DNMT3L: variants seen among roughly 807,000 people sequenced by gnomAD.
The protein encoded by DNMT3L is DNA (cytosine-5)-methyltransferase 3-like.
DNMT3L carries 33 observed loss-of-function variants against 36.2 expected under a neutral mutation model. The ratio of observed to expected loss-of-function variants is 0.91; its 90% CI spans 0.69 to 1.22. DNMT3L has a LOEUF of 1.22. DNMT3L is among the 50% of genes most tolerant of loss of function. The probability of loss-of-function intolerance (pLI) is 0.00; values close to 1 mark genes in which losing one functional copy is unlikely to be tolerated. For synonymous variants in DNMT3L, 117 were observed against 121.7 expected (o/e 0.96, Z 0.26); for missense variants, 310 against 303.1 (o/e 1.02, Z -0.17).
chr21:44,254,905 A>ACT (rs2040245533), intron 7 of DNMT3L, among the ~76,000 whole-genome samples, 200 bp from the exon 8 acceptor site: 1 of 152,172 alleles, frequency 6.6e-6, no homozygotes, highest in Admixed American at 6.5e-5. Context: ...GGCTCACTGC[A>ACT]ACCTCCGCCT....
chr21:44,255,644 G>A (rs565436752), intron 7 of DNMT3L, among the ~76,000 whole-genome samples: 38 of 152,326 alleles, frequency 2.5e-4, no homozygotes, highest in Middle Eastern at 3.4e-3. Flanking sequence ...GCCCTGGAAC[G>A]GCCCTGGAGG....
At chr21:44,257,689 AAAAAAAATAAAT>A (rs1331169876) in intron 6 of DNMT3L, among the ~76,000 whole-genome samples, 3 of 58,296 alleles carry the variant, frequency 5.1e-5, no homozygotes, top group African/African-American at 1.1e-4. Flanking sequence ...TCAAAAAAAA[AAAAAAAATAAAT>A]AAATAAATAA....
Position 44,261,181 on chromosome 21 carries a change from T to G in DNMT3L, c.79A>C (p.Ser27Arg), listed in dbSNP as rs772554345. 1 of 1,612,662 alleles carries G rather than the reference T, an allele frequency of 6.2e-7. No homozygotes were observed. The highest frequency in any genetic ancestry group is 8.5e-7 in the Non-Finnish European group (1 of 1,179,890). ...CTGCCTGTCCCGGGTGAAACGGAGC[T>G]TGAGAGCTCACTGGATCCCACCAAA... ...VILVGSSELS[S>R]SVSPGTGRDL... is the part of the protein sequence containing the mutation. The change falls in exon 2 of 12, where the codon AGC (serine) becomes CGC (arginine). Residue 27 changes from serine to arginine, a missense_variant. Physicochemically the swap from Ser to Arg is moderately radical, Grantham distance 110. Transcript: ENST00000628202.
rs1006026538 is a variant in DNMT3L, at chr21:44,258,313, C to T, written c.516+210G>A. 1.2e-4 allele frequency among the ~76,000 whole-genome samples: 18 copies of T among 152,246 alleles called. No individual in the cohort carries two copies. The South Asian group carries it at 3.5e-3, about 30-fold the overall frequency. ...CTGCTACCAGGGCCTCGTTCCTAGG[C>T]TTGGAAGCAACAAAACTGCCAAAGC... On this transcript the variant is annotated intron_variant, in intron 6 of 11. Coordinates refer to ENST00000628202, the MANE Select transcript of DNMT3L (RefSeq NM_175867.3). This position sits in a 1 kb window ranked among gnomAD's most constrained non-coding sequence, Gnocchi z 6.2.
Position 44,258,811 on chromosome 21 carries a change from T to C in DNMT3L, c.345-117A>G. The C allele has an allele frequency of 7.3e-7, 1 of 1,375,970 alleles. No homozygotes were observed. Among genetic ancestry groups the C allele is most frequent in the South Asian group, 1.5e-5 (1 of 68,742 alleles). The allele number at this position is 1,375,970 out of a possible 1,614,324, so 85.2% of individuals were successfully genotyped here. On this transcript the variant is annotated intron_variant, in intron 5 of 11. Coordinates refer to ENST00000628202, the MANE Select transcript of DNMT3L (RefSeq NM_175867.3). The surrounding 1 kb of genome is among the most constrained non-coding windows in gnomAD (Gnocchi z 6.2). ...GGGAAAAGTCACGCTGGAGCTCCCT[T>C]TGGGAAGACCAGGTGGTGGACTGGG...
chr21:44,258,433 G>A lies in DNMT3L; in HGVS notation c.516+90C>T, dbSNP rs560193727. 47 of 1,441,862 alleles carry A rather than the reference G, an allele frequency of 3.3e-5. No individual in the cohort carries two copies. The highest frequency in any genetic ancestry group is 4.0e-5 in the Non-Finnish European group (44 of 1,089,896). The allele number at this position is 1,441,862 out of a possible 1,614,324, so 89.3% of individuals were successfully genotyped here. On this transcript the variant is annotated intron_variant, in intron 6 of 11. Coordinates refer to ENST00000628202, the MANE Select transcript of DNMT3L (RefSeq NM_175867.3). This position sits in a 1 kb window ranked among gnomAD's most constrained non-coding sequence, Gnocchi z 6.2. The stretch of plus-strand genomic sequence containing the variant: ...CGAGGCTGCAGCCGTGGTGCCCGTC[G>A]GCGCGCCTGCATTCTGCAGCGGGAA...
intron 6 of DNMT3L, among the ~76,000 whole-genome samples, 173 bp from the exon 7 acceptor site, chr21:44,256,327 C>A (rs934594267): frequency 1.3e-5 from 2 of 152,022 alleles, no homozygotes; most frequent in Admixed American, 6.6e-5. Context: ...ACTGCCCCCC[C>A]AGGAAGGCCA....
At chr21:44,255,933 T>A (rs1251194295) in intron 7 of DNMT3L, 134 bp downstream of exon 7, 3 of 755,726 alleles carry the variant, frequency 4.0e-6, no homozygotes, top group East Asian at 2.8e-5. Context: ...GGGCCCAGGG[T>A]GGGGAAGGGT....
At chr21:44,259,211 G>T (rs1381623100) in intron 5 of DNMT3L, among the ~76,000 whole-genome samples, 1 of 152,140 alleles carries the variant, frequency 6.6e-6, no homozygotes, top group Non-Finnish European at 1.5e-5. Context: ...GCACAGCGAT[G>T]TGGCAATATC....
chr21:44,259,143 C>T (rs1478796751), intron 5 of DNMT3L, among the ~76,000 whole-genome samples: 1 of 152,046 alleles, frequency 6.6e-6, no homozygotes, highest in African/African-American at 2.4e-5. Context: ...GTGAGCATAC[C>T]CCTTGTCACC....
rs762562071 is a variant in DNMT3L, at chr21:44,258,421, G to T, written c.516+102C>A. The T allele has an allele frequency of 4.2e-6, 6 of 1,421,982 alleles. No homozygotes were observed. Among genetic ancestry groups the T allele is most frequent in the African/African-American group, 1.4e-5 (1 of 69,344 alleles). The allele number at this position is 1,421,982 out of a possible 1,614,324, so 88.1% of individuals were successfully genotyped here. A position where few individuals can be genotyped will look rare whatever the true frequency, so the allele number is the denominator to read the frequency against. ...AGTGTTTGCTCCCGAGGCTGCAGCCGTGGTGCCCGTCGGCGCGCCTGCATT... is the reference window on the plus strand; with the variant it reads ...AGTGTTTGCTCCCGAGGCTGCAGCCTTGGTGCCCGTCGGCGCGCCTGCATT... On this transcript the variant is annotated intron_variant, in intron 6 of 11. Transcript: ENST00000628202. This position sits in a 1 kb window ranked among gnomAD's most constrained non-coding sequence, Gnocchi z 6.2.
chr21:44,257,696 AT>A (rs57236233), intron 6 of DNMT3L, among the ~76,000 whole-genome samples: 11,702 of 56,584 alleles, frequency 0.21, 638 homozygotes, highest in African/African-American at 0.34. Context: ...AAAAAAAAAA[AT>A]AAATAAATAA....
intron 3 of DNMT3L, among the ~76,000 whole-genome samples, chr21:44,260,346 A>G (rs983966697): frequency 2.6e-5 from 4 of 152,188 alleles, no homozygotes; most frequent in Non-Finnish European, 4.4e-5. Context: ...CTAAAATTAG[A>G]TGGTGATGAT....
At position 44,258,539 on chromosome 21, in the gene DNMT3L, A is replaced by G. The variant is rs749645143; in HGVS notation, c.500T>C (p.Phe167Ser). The part of the protein sequence containing the change: ...RRKWRSQLKA[F>S]YDRESENPLE... Reference sequence around the variant, plus strand: ...GCTCCTTACCGACTCTCGGTCGTAGAAGGCCTTGAGCTGGCTGCGCCACTT... The same window carrying G: ...GCTCCTTACCGACTCTCGGTCGTAGGAGGCCTTGAGCTGGCTGCGCCACTT... Residue 167 changes from phenylalanine (F) to serine (S), a missense_variant, in exon 6 of 12, where the codon TTC (phenylalanine) becomes TCC (serine). Transcript: ENST00000628202. The surrounding 1 kb of genome is among the most constrained non-coding windows in gnomAD (Gnocchi z 6.2). 3.8e-6 allele frequency: 6 copies of G among 1,582,360 alleles called. No homozygotes were observed. The highest frequency in any genetic ancestry group is 5.2e-6 in the Non-Finnish European group (6 of 1,164,350).
Position 44,258,719 on chromosome 21 carries a change from C to T in DNMT3L, c.345-25G>A. 1 of 1,607,120 alleles carries T rather than the reference C, an allele frequency of 6.2e-7. No homozygotes were observed. Among genetic ancestry groups the T allele is most frequent in the Non-Finnish European group, 8.5e-7 (1 of 1,175,930 alleles). On this transcript the variant is annotated intron_variant, in intron 5 of 11. Transcript: ENST00000628202. This position sits in a 1 kb window ranked among gnomAD's most constrained non-coding sequence, Gnocchi z 6.2. ...TCTAAGGCCAGACAGAAAACCACAG[C>T]AGCGGACATGACAGCCCACCTCTCC...
At position 44,261,283 on chromosome 21, in the gene DNMT3L, G is replaced by A; in HGVS notation, c.-7-17C>T. The stretch of plus-strand genomic sequence containing the variant: ...ATGGGGATGCTGTGTCAGGACACAC[G>A]GACACAGATGTGAGAAAGCCGTCAG... On this transcript the variant is annotated splice_polypyrimidine_tract_variant and intron_variant, in intron 1 of 11. Coordinates refer to ENST00000628202, the MANE Select transcript of DNMT3L (RefSeq NM_175867.3). 7.5e-6 allele frequency: 12 copies of A among 1,606,360 alleles called. No homozygotes were observed. The highest frequency in any genetic ancestry group is 5.0e-5 in the Admixed American group (3 of 59,972).
chr21:44,254,043 T>C lies in DNMT3L; in HGVS notation c.693+574A>G, dbSNP rs1438548588. 2.0e-5 allele frequency among the ~76,000 whole-genome samples: 3 copies of C among 152,278 alleles called. No individual in the cohort carries two copies. In the East Asian group the frequency reaches 5.8e-4, roughly 29 times the overall value. On this transcript the variant is annotated intron_variant, in intron 8 of 11. Transcript: ENST00000628202. ...AGGCCGGGAGCCCCCAAAAGACCTG[T>C]ACACAGGTGGCTGCTCATGCTTCTC...
chr21:44,261,177 GA>G lies in DNMT3L; in HGVS notation c.82del (p.Ser28ProfsTer22). On this transcript the variant is annotated frameshift_variant, in exon 2 of 12. Coordinates refer to ENST00000628202, the MANE Select transcript of DNMT3L (RefSeq NM_175867.3). LOFTEE classifies it high-confidence loss of function. ...ACCTCTGCCTGTCCCGGGTGAAACG[GA>G]GCTTGAGAGCTCACTGGATCCCACC... ...ILVGSSELSS[S>X]VSPGTGRDLI... The G allele has an allele frequency of 4.3e-6, 7 of 1,612,710 alleles. No individual in the cohort carries two copies. The highest frequency in any genetic ancestry group is 5.9e-6 in the Non-Finnish European group (7 of 1,179,900).
chr21:44,261,485 G>A (rs369282528), intron 1 of DNMT3L, among the ~76,000 whole-genome samples: 8 of 152,216 alleles, frequency 5.3e-5, no homozygotes, highest in African/African-American at 1.4e-4. Context: ...CCCCTGAGGC[G>A]TGCCCCCCAC....
Sources: gnomAD v4.1 joint callset for allele counts (sites outside exome capture counted in the v4.1 genomes callset) on GRCh38, gnomAD v4.1.1 for gene constraint, Gnocchi (gnomAD v3.1) non-coding constraint, MANE v1.5 for transcripts, NCBI Gene and HGNC (gene_info 2026-07-23, HGNC 2026-07-21) for gene names.